RB1CC1: variants seen among roughly 807,000 people sequenced by gnomAD.
RB1CC1 encodes RB1 inducible coiled-coil 1.
RB1CC1 carries 46 observed loss-of-function variants against 177.5 expected under a neutral mutation model. The ratio of observed to expected loss-of-function variants is 0.26; its 90% CI spans 0.20 to 0.33. The LOEUF is 0.33. Among genes scored for constraint, RB1CC1 ranks in the 10% least tolerant of loss-of-function variants. The pLI, the probability that RB1CC1 is intolerant of heterozygous loss-of-function variation, is 1.00. For missense variants in RB1CC1, 1,703 were observed against 1,816.3 expected, an observed-to-expected ratio of 0.94 and a Z score of 1.13; for synonymous variants, 666 against 613.6, an observed-to-expected ratio of 1.09 and a Z score of -1.26.
At chr8:52,678,881 G>C (rs1175187456) in intron 5 of RB1CC1, among the ~76,000 whole-genome samples, 1 of 152,160 alleles carries the variant, frequency 6.6e-6, no homozygotes, top group Non-Finnish European at 1.5e-5. Flanking sequence ...AATTCCATAT[G>C]TGTATAAGAA....
At position 52,711,856 on chromosome 8, in the gene RB1CC1, A is replaced by C. The variant is rs117504371; in HGVS notation, c.-167+2219T>G. Among the ~76,000 whole-genome samples the C allele has an allele frequency of 3.9e-4, 60 of 152,194 alleles. 4 individuals carry two copies. The South Asian group carries it at 5.4e-3, about 14-fold the overall frequency. ...ATGCCATGTATATCAGAGCCTTTCC[A>C]TTTACTGTTTCTTCTGCCAAAAATT... On this transcript the variant is annotated intron_variant, in intron 1 of 23. Transcript: ENST00000025008.
At chr8:52,704,961 T>C (rs1016095914) in intron 1 of RB1CC1, among the ~76,000 whole-genome samples, 1 of 152,186 alleles carries the variant, frequency 6.6e-6, no homozygotes, top group Non-Finnish European at 1.5e-5. Flanking sequence ...AAGCCAATTC[T>C]AAATTAAAAG....
At chr8:52,685,289 G>C (rs1381840637) in intron 3 of RB1CC1, 110 bp downstream of exon 3, 5 of 771,014 alleles carry the variant, frequency 6.5e-6, no homozygotes, top group African/African-American at 1.8e-5. Flanking sequence ...CAGGCGTGAG[G>C]TACCGCACCC....
intron 15 of RB1CC1, among the ~76,000 whole-genome samples, chr8:52,647,430 G>A (rs984185593): frequency 6.6e-6 from 1 of 152,102 alleles, no homozygotes; most frequent in South Asian, 2.1e-4. Context: ...TTTCTCCTTT[G>A]GGGCTGAAGA....
chr8:52,645,651 T>A, intron 16 of RB1CC1, 51 bp downstream of exon 16: 1 of 1,547,424 alleles, frequency 6.5e-7, no homozygotes, highest in Non-Finnish European at 8.8e-7. Context: ...ATTTGTTAAT[T>A]TATGTCTACC....
At chr8:52,630,097 C>T (rs1243709483) in intron 21 of RB1CC1, among the ~76,000 whole-genome samples, 1 of 151,974 alleles carries the variant, frequency 6.6e-6, no homozygotes, top group Non-Finnish European at 1.5e-5. Context: ...AAAATGAAAT[C>T]TAAAAACTAA....
chr8:52,672,072 G>GA (rs1199914851), intron 7 of RB1CC1, among the ~76,000 whole-genome samples: 2 of 152,070 alleles, frequency 1.3e-5, no homozygotes, highest in Admixed American at 6.5e-5. Context: ...CTTCTAAAAA[G>GA]AAAAAAGTGA....
chr8:52,710,545 G>A (rs1343445698), intron 1 of RB1CC1, among the ~76,000 whole-genome samples: 1 of 152,082 alleles, frequency 6.6e-6, no homozygotes, highest in African/African-American at 2.4e-5. Context: ...GACTTTGCTT[G>A]AACTGCATAA....
chr8:52,691,815 T>C (rs1024357555), intron 1 of RB1CC1, among the ~76,000 whole-genome samples: 3 of 152,238 alleles, frequency 2.0e-5, no homozygotes, highest in Admixed American at 6.5e-5. Context: ...GGTCTACCAG[T>C]ACCGGTAACC....
chr8:52,630,629 T>G, intron 20 of RB1CC1, 101 bp from the exon 21 acceptor site: 2 of 1,253,622 alleles, frequency 1.6e-6, no homozygotes, highest in Non-Finnish European at 2.1e-6. Flanking sequence ...CAAGCCTGTG[T>G]CCAGCTTTAA....
chr8:52,661,250 G>T lies in RB1CC1; in HGVS notation c.1390C>A (p.Gln464Lys). ...WCCFVMLHAD[Q>K]DGEKLQALLR... The stretch of plus-strand genomic sequence containing the variant: ...AAAGCTTGTAACTTCTCTCCATCTT[G>T]ATCAGCATGAAGCATTACAAAGCAA... The change falls in exon 10 of 24, where the codon CAA becomes AAA. Residue 464 changes from glutamine (Q) to lysine (K), a missense_variant. Gln to Lys is a moderately conservative substitution (Grantham distance 53). Coordinates refer to ENST00000025008, the MANE Select transcript of RB1CC1 (RefSeq NM_014781.5). The T allele has an allele frequency of 6.2e-7, 1 of 1,613,592 alleles. No individual in the cohort carries two copies. Among genetic ancestry groups the T allele is most frequent in the Non-Finnish European group, 8.5e-7 (1 of 1,179,832 alleles).
chr8:52,658,991 T>A lies in RB1CC1; in HGVS notation c.1690-15A>T, dbSNP rs1313488810. 2 of 1,436,236 alleles carry A rather than the reference T, an allele frequency of 1.4e-6. No individual in the cohort carries two copies. Among genetic ancestry groups the A allele is most frequent in the Non-Finnish European group, 1.9e-6 (2 of 1,078,536 alleles). 89.0% of individuals were successfully genotyped at this position (1,436,236 alleles called of 1,614,324 possible). A position where few individuals can be genotyped will look rare whatever the true frequency, so the allele number is the denominator to read the frequency against. ...GGCTTTTGAGTCTGTACCAAAAAAA[T>A]TAATTACTTAAAAAATTTTTTTTCA... On this transcript the variant is annotated splice_polypyrimidine_tract_variant and intron_variant, in intron 12 of 23. Transcript: ENST00000025008.
chr8:52,697,950 T>C (rs1855596030), intron 1 of RB1CC1, among the ~76,000 whole-genome samples: 1 of 152,236 alleles, frequency 6.6e-6, no homozygotes, highest in African/African-American at 2.4e-5. Flanking sequence ...ATTTGAAATA[T>C]AGTTAAAGCA....
At chr8:52,689,832 C>G (rs942318403) in intron 1 of RB1CC1, among the ~76,000 whole-genome samples, 1 of 152,078 alleles carries the variant, frequency 6.6e-6, no homozygotes, top group Admixed American at 6.5e-5. Context: ...CATCTTCTTC[C>G]AGACTCAAGA....
intron 5 of RB1CC1, 47 bp downstream of exon 5, chr8:52,683,502 C>A (rs75633355): frequency 1.4e-6 from 2 of 1,466,374 alleles, no homozygotes; most frequent in East Asian, 2.3e-5. Context: ...TATTTAGATC[C>A]GAATGCTTTT....
intron 16 of RB1CC1, among the ~76,000 whole-genome samples, chr8:52,643,874 T>C (rs1482404461): frequency 1.3e-5 from 2 of 151,952 alleles, no homozygotes; most frequent in African/African-American, 2.4e-5. Flanking sequence ...CTAACAATGC[T>C]GGCAATAGGG....
At chr8:52,710,347 T>A (rs143636757) in intron 1 of RB1CC1, among the ~76,000 whole-genome samples, 1 of 152,248 alleles carries the variant, frequency 6.6e-6, no homozygotes, top group East Asian at 1.9e-4. Context: ...AAGCGAGCAT[T>A]TAGAAAGGTA....
chr8:52,637,130 A>G (rs958362781), intron 18 of RB1CC1, among the ~76,000 whole-genome samples: 2 of 152,148 alleles, frequency 1.3e-5, no homozygotes, highest in East Asian at 1.9e-4. Flanking sequence ...TCAGATTACG[A>G]TAAGAATTGT....
chr8:52,710,111 G>A (rs922700672), intron 1 of RB1CC1, among the ~76,000 whole-genome samples: 1 of 152,170 alleles, frequency 6.6e-6, no homozygotes, highest in Non-Finnish European at 1.5e-5. Flanking sequence ...CACCACAAAC[G>A]GAGTGTCTAG....
Sources: allele counts gnomAD v4.1 joint callset (sites outside exome capture counted in the v4.1 genomes callset), GRCh38; gene constraint gnomAD v4.1.1; transcripts MANE v1.5; gene names NCBI Gene and HGNC (gene_info 2026-07-23, HGNC 2026-07-21).